The following C1orf174 variants were observed in gnomAD, a reference collection of about 807,000 sequenced individuals.
C1orf174 encodes chromosome 1 open reading frame 174, also known as UPF0688 protein C1orf174.
C1orf174 carries 13 observed loss-of-function variants against 18.4 expected under a neutral mutation model. The observed-to-expected ratio is 0.71, with a 90% CI of 0.46 to 1.12. The LOEUF is 1.12. C1orf174 is among the 50% of genes most tolerant of loss of function. The probability of loss-of-function intolerance (pLI) is 0.00; values close to 1 mark genes in which losing one functional copy is unlikely to be tolerated. For synonymous variants in C1orf174, 100 were observed against 118.3 expected (o/e 0.85, Z 1.01); for missense variants, 309 against 308.0 (o/e 1.00, Z -0.02).
chr1:3,890,748 C>T lies in C1orf174; in HGVS notation c.439G>A (p.Gly147Arg), dbSNP rs145371506. 1.0e-3 allele frequency: 1,627 copies of T among 1,614,084 alleles called. No individual in the cohort carries two copies. The highest frequency in any genetic ancestry group is 1.3e-3 in the Non-Finnish European group (1,550 of 1,180,028). ...DGLSVPKHSA[G>R]SGAEESNSSS... ...CTGTTGGATTCTTCTGCTCCGGACC[C>T]GGCACTGTGTTTTGGCACGGACAGG... Residue 147 changes from glycine (G) to arginine (R), a missense_variant, in exon 3 of 4, where the codon GGG becomes AGG. Coordinates refer to ENST00000361605, the MANE Select transcript of C1orf174 (RefSeq NM_207356.3).
At position 3,890,773 on chromosome 1, in the gene C1orf174, G is replaced by C; in HGVS notation, c.414C>G (p.Gly138=). 1 of 1,613,954 alleles carries C rather than the reference G, an allele frequency of 6.2e-7. No homozygotes were observed. The highest frequency in any genetic ancestry group is 8.5e-7 in the Non-Finnish European group (1 of 1,180,024). ...SDSRLAKTRD[G]LSVPKHSAGS... is the part of the protein sequence containing the mutation. ...CGGCACTGTGTTTTGGCACGGACAG[G>C]CCATCTCTAGTCTTTGCTAAGCGAG... is the stretch of plus-strand genomic sequence containing the variant. The change falls in exon 3 of 4, where the codon GGC becomes GGG. Residue 138 remains glycine, a synonymous_variant. Transcript: ENST00000361605.
chr1:3,892,836 G>C (rs748483159), intron 2 of C1orf174, 47 bp downstream of exon 2: 2 of 1,594,074 alleles, frequency 1.3e-6, no homozygotes, highest in African/African-American at 2.7e-5. Context: ...TATAAAAATG[G>C]ACCCTCGAGT....
chr1:3,890,157 T>C (rs1638478314), intron 3 of C1orf174, 84 bp from the exon 4 acceptor site: 1 of 1,100,988 alleles, frequency 9.1e-7, no homozygotes, highest in African/African-American at 1.6e-5. Context: ...CCAGCGGCTC[T>C]AGGGCTCGCA....
Position 3,890,701 on chromosome 1 carries a change from C to T in C1orf174, c.486G>A (p.Gln162=). 6.2e-7 allele frequency: 1 copy of T among 1,614,150 alleles called. No homozygotes were observed. The highest frequency in any genetic ancestry group is 8.5e-7 in the Non-Finnish European group (1 of 1,180,046). The change falls in exon 3 of 4, where the codon CAG becomes CAA. Residue 162 remains glutamine, a synonymous_variant. Transcript: ENST00000361605. Reference sequence around the variant, plus strand: ...CCTCTGTCTGTAGCCCTGGCTCATTCTGCTTCTGCACAGTGGAGCTGCTGT... The same window carrying T: ...CCTCTGTCTGTAGCCCTGGCTCATTTTGCTTCTGCACAGTGGAGCTGCTGT... ...ESNSSSTVQK[Q]NEPGLQTEDV...
Position 3,889,734 on chromosome 1 carries a change from G to A in C1orf174, c.*226C>T. On this transcript the variant is annotated 3_prime_UTR_variant, in exon 4 of 4. Coordinates refer to ENST00000361605, the MANE Select transcript of C1orf174 (RefSeq NM_207356.3). ...AAAAAAAAAAAAAGAAAGGACATTG[G>A]CACAGTACAGCAGCTTTGCAACCTC... 2.2e-6 allele frequency: 1 copy of A among 455,904 alleles called. No individual in the cohort carries two copies. Among genetic ancestry groups the A allele is most frequent in the Non-Finnish European group, 4.0e-6 (1 of 250,548 alleles). 28.2% of individuals were successfully genotyped at this position (455,904 alleles called of 1,614,324 possible).
intron 1 of C1orf174, among the ~76,000 whole-genome samples, chr1:3,897,451 G>C (rs892760464): frequency 6.6e-6 from 1 of 152,166 alleles, no homozygotes; most frequent in Non-Finnish European, 1.5e-5. Flanking sequence ...CTTGAAGACA[G>C]ATCGATAGAT....
At chr1:3,891,711 T>C in intron 2 of C1orf174, 1 of 986,012 alleles carries the variant, frequency 1.0e-6, no homozygotes, top group Non-Finnish European at 1.2e-6. Flanking sequence ...CCCCACCCAC[T>C]CTGCCTTTCT....
chr1:3,891,604 C>G (rs1253578771), intron 2 of C1orf174: 57 of 986,306 alleles, frequency 5.8e-5, no homozygotes, highest in Non-Finnish European at 6.9e-5. Context: ...ACTGTAGGCT[C>G]CGTGAAGCGG....
intron 1 of C1orf174, among the ~76,000 whole-genome samples, chr1:3,898,617 G>C (rs1261159068): frequency 5.3e-5 from 8 of 152,192 alleles, no homozygotes; most frequent in Non-Finnish European, 1.0e-4. Context: ...ACCCCAGACA[G>C]TAATTCAAAA....
chr1:3,895,348 G>C (rs1477924958), intron 1 of C1orf174: 1 of 152,254 alleles, frequency 6.6e-6, no homozygotes, highest in Non-Finnish European at 1.5e-5. Context: ...TGAAGAAGCT[G>C]CCACCCGCTC....
intron 1 of C1orf174, among the ~76,000 whole-genome samples, chr1:3,898,763 T>C (rs1638654343): frequency 6.7e-6 from 1 of 150,176 alleles, no homozygotes; most frequent in African/African-American, 2.5e-5. Context: ...TACAGACATG[T>C]ACTATATTTG....
At chr1:3,894,497 C>G (rs931057784) in intron 1 of C1orf174, among the ~76,000 whole-genome samples, 70 of 149,122 alleles carry the variant, frequency 4.7e-4, no homozygotes, top group African/African-American at 1.6e-3. Flanking sequence ...GTCCCAGCTA[C>G]TTGGGAGGCT....
chr1:3,893,360 T>A (rs1638549004), intron 1 of C1orf174, among the ~76,000 whole-genome samples: 1 of 152,120 alleles, frequency 6.6e-6, no homozygotes, highest in Admixed American at 6.6e-5. Flanking sequence ...GTTGTCAAAG[T>A]TTTTAAAAAA....
chr1:3,897,749 C>T (rs1304063884), intron 1 of C1orf174, among the ~76,000 whole-genome samples: 4 of 152,136 alleles, frequency 2.6e-5, no homozygotes, highest in Admixed American at 1.3e-4. Context: ...CTGCAAGCTC[C>T]GCCCCCCAGG....
chr1:3,891,081 G>T, intron 2 of C1orf174, 24 bp from the exon 3 acceptor site: 2 of 1,590,592 alleles, frequency 1.3e-6, no homozygotes, highest in South Asian at 2.2e-5. Context: ...AAATGTAAGG[G>T]GAACCAGACA....
intron 2 of C1orf174, 98 bp downstream of exon 2, chr1:3,892,785 G>A (rs1638534617): frequency 1.3e-6 from 2 of 1,513,122 alleles, no homozygotes; most frequent in Non-Finnish European, 8.9e-7. Context: ...AGTAACAGTC[G>A]ATATTTTTCT....
At chr1:3,899,215 G>A (rs1243397853) in intron 1 of C1orf174, among the ~76,000 whole-genome samples, 1 of 152,210 alleles carries the variant, frequency 6.6e-6, no homozygotes. Flanking sequence ...TATTAAATGT[G>A]CATGGGCTAA....
intron 1 of C1orf174, 46 bp downstream of exon 1, chr1:3,900,125 AG>A (rs776597993): frequency 2.0e-5 from 32 of 1,563,430 alleles, no homozygotes; most frequent in Non-Finnish European, 2.6e-5. Flanking sequence ...GGTGACCCAG[AG>A]TCCCCGCCCT....
At chr1:3,899,730 C>T (rs906622999) in intron 1 of C1orf174, among the ~76,000 whole-genome samples, 3 of 152,144 alleles carry the variant, frequency 2.0e-5, no homozygotes, top group Non-Finnish European at 4.4e-5. Flanking sequence ...AACCTCCCTT[C>T]AAGGGGGCGT....
Sources: gnomAD v4.1 joint callset for allele counts (sites outside exome capture counted in the v4.1 genomes callset) on GRCh38, gnomAD v4.1.1 for gene constraint, MANE v1.5 for transcripts, NCBI Gene and HGNC (gene_info 2026-07-23, HGNC 2026-07-21) for gene names.